The following TAOK3 variants were observed in gnomAD, a reference collection of about 807,000 sequenced individuals.
TAOK3 encodes the protein TAO kinase 3.
In TAOK3, 40 loss-of-function variants were observed where a neutral mutation model predicts 120.4. The ratio of observed to expected loss-of-function variants is 0.33; its 90% CI spans 0.26 to 0.43. TAOK3 has a LOEUF of 0.43. TAOK3 is among the 20% of genes least tolerant of loss of function. TAOK3 has a pLI of 1.00. For synonymous variants in TAOK3, 355 were observed against 387.5 expected (o/e 0.92, Z 0.99); for missense variants, 821 against 1,112.1 (o/e 0.74, Z 3.72).
intron 1 of TAOK3, among the ~76,000 whole-genome samples, chr12:118,369,004 GAAAAAAA>G (rs975694288): frequency 7.2e-5 from 5 of 69,382 alleles, no homozygotes; most frequent in Admixed American, 1.8e-4. Flanking sequence ...ACTAAAAATA[GAAAAAAA>G]AAAAAAAAAA....
intron 1 of TAOK3, among the ~76,000 whole-genome samples, chr12:118,272,642 C>T (rs2041757017): frequency 6.6e-6 from 1 of 152,050 alleles, no homozygotes; most frequent in Non-Finnish European, 1.5e-5. Flanking sequence ...AGCATCACAT[C>T]ACACCTCTGT....
At chr12:118,249,559 C>CT (rs2040659109) in intron 3 of TAOK3, among the ~76,000 whole-genome samples, 1 of 129,754 alleles carries the variant, frequency 7.7e-6, no homozygotes, top group Admixed American at 8.1e-5. Context: ...GAGATTTTGT[C>CT]TAAAAAAAAA....
intron 1 of TAOK3, among the ~76,000 whole-genome samples, chr12:118,284,806 T>C (rs763670972): frequency 2.0e-5 from 3 of 152,112 alleles, no homozygotes; most frequent in Non-Finnish European, 4.4e-5. Flanking sequence ...TGAGGGTAAG[T>C]TGAATTCTTA....
chr12:118,215,189 A>C, intron 9 of TAOK3, among the ~76,000 whole-genome samples: 1 of 145,106 alleles, frequency 6.9e-6, no homozygotes. Context: ...CCATAATGAA[A>C]CATCTTAAAC....
intron 14 of TAOK3, among the ~76,000 whole-genome samples, chr12:118,188,057 AATATAT>A (rs2037180713): frequency 6.6e-6 from 1 of 152,136 alleles, no homozygotes; most frequent in Non-Finnish European, 1.5e-5. Flanking sequence ...AGAGGTCATG[AATATAT>A]GATGTGGGAA....
intron 13 of TAOK3, among the ~76,000 whole-genome samples, chr12:118,191,716 T>C (rs1199240263): frequency 6.6e-6 from 1 of 152,166 alleles, no homozygotes; most frequent in East Asian, 1.9e-4. Flanking sequence ...TTCACTAGGC[T>C]TAAGGTTCTA....
Position 118,341,133 on chromosome 12 carries a change from G to A in TAOK3, c.-194+31515C>T, listed in dbSNP as rs1250335501. ...TTCGTCCTCAGCCTCCTGAGTAGCT[G>A]GGAGTACAGGCACCTGCCGCCATGC... is the stretch of plus-strand genomic sequence containing the variant. On this transcript the variant is annotated intron_variant, in intron 1 of 20. Transcript: ENST00000392533. 2.6e-5 allele frequency among the ~76,000 whole-genome samples: 4 copies of A among 151,876 alleles called. No individual in the cohort carries two copies. The East Asian group carries it at 7.7e-4, about 29-fold the overall frequency.
At chr12:118,259,703 C>A (rs1447971237) in intron 2 of TAOK3, among the ~76,000 whole-genome samples, 1 of 152,166 alleles carries the variant, frequency 6.6e-6, no homozygotes, top group Non-Finnish European at 1.5e-5. Context: ...ATTTCTAGGC[C>A]ATGCTGCAGA....
At position 118,226,474 on chromosome 12, in the gene TAOK3, C is replaced by G. The variant is rs1246653197; in HGVS notation, c.643+7200G>C. Reference sequence around the variant, plus strand: ...GCTTGAACCCGGGAACTAGACGTTGCAGTGAGCCGAGATCGTGCCACTGCA... The same window carrying G: ...GCTTGAACCCGGGAACTAGACGTTGGAGTGAGCCGAGATCGTGCCACTGCA... On this transcript the variant is annotated intron_variant, in intron 9 of 20. Coordinates refer to ENST00000392533, the MANE Select transcript of TAOK3 (RefSeq NM_016281.4). 1.3e-4 allele frequency among the ~76,000 whole-genome samples: 19 copies of G among 149,628 alleles called. No homozygotes were observed. The Admixed American group carries it at 1.3e-3, about 10-fold the overall frequency.
At chr12:118,251,672 C>T (rs1316311835) in intron 3 of TAOK3, among the ~76,000 whole-genome samples, 1 of 152,092 alleles carries the variant, frequency 6.6e-6, no homozygotes. Flanking sequence ...AGGGCTTAGC[C>T]CAAAAAGCAA....
At chr12:118,263,394 G>A (rs527760385) in intron 2 of TAOK3, among the ~76,000 whole-genome samples, 20 of 152,270 alleles carry the variant, frequency 1.3e-4, no homozygotes, top group Middle Eastern at 6.8e-3. Flanking sequence ...ACTTCTAGAC[G>A]AAGGTACAGG....
intron 1 of TAOK3, among the ~76,000 whole-genome samples, chr12:118,325,317 T>C (rs1256859428): frequency 6.6e-6 from 1 of 152,256 alleles, no homozygotes; most frequent in Non-Finnish European, 1.5e-5. Context: ...CCATAGTGGC[T>C]GTACTAATTT....
chr12:118,195,514 T>C (rs1253782421), intron 13 of TAOK3, among the ~76,000 whole-genome samples: 1 of 152,150 alleles, frequency 6.6e-6, no homozygotes, highest in Non-Finnish European at 1.5e-5. Flanking sequence ...TGGAATTGTG[T>C]CCTTGGCCAT....
intron 1 of TAOK3, among the ~76,000 whole-genome samples, chr12:118,309,159 T>G (rs1282671065): frequency 1.3e-5 from 2 of 151,392 alleles, no homozygotes; most frequent in Non-Finnish European, 2.9e-5. Flanking sequence ...CGAAACCCCA[T>G]CTCTACTACA....
chr12:118,221,105 G>A (rs960589496), intron 9 of TAOK3, among the ~76,000 whole-genome samples: 3 of 152,208 alleles, frequency 2.0e-5, no homozygotes, highest in Non-Finnish European at 4.4e-5. Context: ...ATCCTCCAGC[G>A]GCAAAGTTGA....
chr12:118,289,503 C>T (rs1274847700), intron 1 of TAOK3, among the ~76,000 whole-genome samples: 1 of 151,800 alleles, frequency 6.6e-6, no homozygotes, highest in African/African-American at 2.4e-5. Context: ...GAGTATACAT[C>T]CTTCTTAAGT....
At chr12:118,198,390 T>C (rs1190039879) in intron 13 of TAOK3, 1 of 90,084 alleles carries the variant, frequency 1.1e-5, no homozygotes, top group African/African-American at 4.6e-5. Flanking sequence ...CTTCTTCTTC[T>C]TTTTTTTTTT....
chr12:118,260,921 T>G (rs1162060820), intron 2 of TAOK3, among the ~76,000 whole-genome samples: 1 of 152,162 alleles, frequency 6.6e-6, no homozygotes, highest in Non-Finnish European at 1.5e-5. Flanking sequence ...CCACAAGTGA[T>G]CCACCCACCT....
intron 1 of TAOK3, among the ~76,000 whole-genome samples, chr12:118,303,152 T>C (rs61946067): frequency 0.1 from 15,555 of 152,208 alleles, 998 homozygotes; most frequent in Middle Eastern, 0.15. Context: ...TCAGCTTCCA[T>C]AGATTAATAT....
Sources: allele counts gnomAD v4.1 joint callset (sites outside exome capture counted in the v4.1 genomes callset), GRCh38; gene constraint gnomAD v4.1.1; transcripts MANE v1.5; gene names NCBI Gene and HGNC (gene_info 2026-07-23, HGNC 2026-07-21).